The following PLCB4 variants were observed in gnomAD, a reference collection of about 807,000 sequenced individuals.
PLCB4 encodes the protein 1-phosphatidylinositol 4,5-bisphosphate phosphodiesterase beta-4.
In PLCB4, 77 loss-of-function variants were observed where a neutral mutation model predicts 178.8. The ratio of observed to expected loss-of-function variants is 0.43; its 90% CI spans 0.36 to 0.52. PLCB4 has a LOEUF of 0.52. Ranked by LOEUF, PLCB4 falls within the 20% of genes least tolerant of loss-of-function variation. The pLI is 0.00. For missense variants in PLCB4, 1,024 were observed against 1,453.4 expected, an observed-to-expected ratio of 0.70 and a Z score of 4.80; for synonymous variants, 496 against 490.8, an observed-to-expected ratio of 1.01 and a Z score of -0.14.
intron 28 of PLCB4, among the ~76,000 whole-genome samples, chr20:9,431,650 T>TTTGTGTG: frequency 1.4e-5 from 2 of 144,266 alleles, no homozygotes; most frequent in South Asian, 4.6e-4. Flanking sequence ...GTGTGTGTGT[T>TTTGTGTG]TGTGTGTGTG....
At chr20:9,327,284 A>AT (rs34675088) in intron 4 of PLCB4, among the ~76,000 whole-genome samples, 46,492 of 148,562 alleles carry the variant, frequency 0.31, 10,799 homozygotes, top group African/African-American at 0.66. Flanking sequence ...ACAAAAAAAA[A>AT]TTTTTTTTTT....
chr20:9,133,700 T>A (rs2092324646), intron 2 of PLCB4, among the ~76,000 whole-genome samples: 1 of 152,222 alleles, frequency 6.6e-6, no homozygotes, highest in Admixed American at 6.5e-5. Context: ...GAAAAGGGGC[T>A]GAAGCTGCAT....
chr20:9,133,128 C>T (rs1471283702), intron 2 of PLCB4, among the ~76,000 whole-genome samples: 3 of 152,156 alleles, frequency 2.0e-5, no homozygotes, highest in Non-Finnish European at 2.9e-5. Flanking sequence ...ATGTATGCTT[C>T]TTATGCAGCA....
At chr20:9,262,634 A>C (rs753160250) in intron 3 of PLCB4, among the ~76,000 whole-genome samples, 4 of 152,178 alleles carry the variant, frequency 2.6e-5, no homozygotes, top group Non-Finnish European at 5.9e-5. Flanking sequence ...TGACTTGCAG[A>C]AGGTTACATG....
intron 25 of PLCB4, among the ~76,000 whole-genome samples, chr20:9,413,861 A>G (rs563402561): frequency 4.6e-5 from 7 of 152,118 alleles, no homozygotes; most frequent in Admixed American, 4.6e-4. Context: ...CCTGGGCTCA[A>G]TCCATCCTCC....
At chr20:9,281,193 G>T (rs1188763428) in intron 3 of PLCB4, among the ~76,000 whole-genome samples, 1 of 152,022 alleles carries the variant, frequency 6.6e-6, no homozygotes, top group Admixed American at 6.6e-5. Context: ...TTGTGACTTT[G>T]GAAAGTGATT....
chr20:9,340,292 C>A (rs563608340), intron 7 of PLCB4, among the ~76,000 whole-genome samples: 1 of 152,226 alleles, frequency 6.6e-6, no homozygotes, highest in Admixed American at 6.5e-5. Flanking sequence ...AGCTCCATTA[C>A]CCTCACTCAC....
In PLCB4 at chr20:9,339,031, A is replaced by G. The variant is rs1480086826; in HGVS notation, c.363A>G (p.Val121=). The G allele has an allele frequency of 1.2e-6, 2 of 1,612,084 alleles. No individual in the cohort carries two copies. Among genetic ancestry groups the G allele is most frequent in the East Asian group, 2.2e-5 (1 of 44,806 alleles). Residue 121 remains valine (V), a synonymous_variant, in exon 7 of 40, where the codon GTA becomes GTG. Transcript: ENST00000378473. ...ACATGGTGGCTGAAAATCCAGAAGTAACTAAGGTAGCTTCAGTTAAATGGC... is the reference window on the plus strand; with the variant it reads ...ACATGGTGGCTGAAAATCCAGAAGTGACTAAGGTAGCTTCAGTTAAATGGC... ...FTYMVAENPE[V]TKQWVEGLRS...
At chr20:9,385,693 C>A (rs987433703) in intron 14 of PLCB4, among the ~76,000 whole-genome samples, 4 of 146,940 alleles carry the variant, frequency 2.7e-5, no homozygotes, top group Non-Finnish European at 6.0e-5. Context: ...CCTCACCTCC[C>A]AGACGGGGCA....
At chr20:9,326,742 CAG>C (rs1162972954) in intron 4 of PLCB4, among the ~76,000 whole-genome samples, 5 of 152,090 alleles carry the variant, frequency 3.3e-5, no homozygotes, top group African/African-American at 1.2e-4. Context: ...CCAGCTTAGG[CAG>C]AGTGGGATGG....
intron 2 of PLCB4, among the ~76,000 whole-genome samples, chr20:9,148,969 G>A (rs1349373059): frequency 6.6e-6 from 1 of 152,116 alleles, no homozygotes; most frequent in Admixed American, 6.5e-5. Context: ...TGGAGTATGT[G>A]GGCCACTTGG....
At chr20:9,197,703 C>T (rs567171134) in intron 2 of PLCB4, among the ~76,000 whole-genome samples, 9 of 152,336 alleles carry the variant, frequency 5.9e-5, no homozygotes, top group South Asian at 2.1e-4. Flanking sequence ...AGGCCGGGCG[C>T]GGTGGCGCAT....
rs2206390 is a variant in PLCB4 at position 9,476,523 on chromosome 20, C to T, written c.3496-194C>T. On this transcript the variant is annotated intron_variant, in intron 38 of 39. Transcript: ENST00000378473. Reference sequence around the variant, plus strand: ...AATGACAGGCGTTGGTTGTTTGTTTCGTTTCTTTTTTTTCTGTTGAGATCA... The same window carrying T: ...AATGACAGGCGTTGGTTGTTTGTTTTGTTTCTTTTTTTTCTGTTGAGATCA... Among the ~76,000 whole-genome samples, 76,561 of 151,988 alleles carry T rather than the reference C, an allele frequency of 0.5. 21,703 individuals carry two copies. Among genetic ancestry groups the T allele is most frequent in the African/African-American group, 0.77 (32,063 of 41,470 alleles).
At chr20:9,335,067 G>A (rs2032256923) in intron 4 of PLCB4, among the ~76,000 whole-genome samples, 1 of 152,110 alleles carries the variant, frequency 6.6e-6, no homozygotes, top group East Asian at 1.9e-4. Flanking sequence ...GATAGTGGCT[G>A]ATTCTTTGTG....
chr20:9,400,152 C>T (rs143212524), intron 19 of PLCB4, among the ~76,000 whole-genome samples: 2 of 152,174 alleles, frequency 1.3e-5, no homozygotes, highest in African/African-American at 2.4e-5. Context: ...TAGAATATCC[C>T]TTCATCAGAA....
chr20:9,140,616 A>G (rs1568824419), intron 2 of PLCB4, among the ~76,000 whole-genome samples: 1 of 151,876 alleles, frequency 6.6e-6, no homozygotes, highest in Non-Finnish European at 1.5e-5. Context: ...CCCCGTAGTA[A>G]TGAGTGAGTT....
intron 35 of PLCB4, among the ~76,000 whole-genome samples, chr20:9,462,990 G>A (rs1603010808): frequency 2.0e-5 from 3 of 152,258 alleles, no homozygotes; most frequent in Admixed American, 2.0e-4. Context: ...TTGAAATGAT[G>A]GAAAAAATGT....
At chr20:9,407,011 T>A (rs1333077272) in intron 21 of PLCB4, among the ~76,000 whole-genome samples, 1 of 152,252 alleles carries the variant, frequency 6.6e-6, no homozygotes, top group African/African-American at 2.4e-5. Context: ...GCAGTTTCAA[T>A]ATGTCCTATG....
intron 19 of PLCB4, among the ~76,000 whole-genome samples, chr20:9,397,800 A>T (rs562934938): frequency 6.6e-5 from 10 of 152,330 alleles, no homozygotes; most frequent in African/African-American, 2.4e-4. Flanking sequence ...GTCATCTGTT[A>T]CTATGCAATA....
Sources: allele counts gnomAD v4.1 joint callset (sites outside exome capture counted in the v4.1 genomes callset), GRCh38; gene constraint gnomAD v4.1.1; transcripts MANE v1.5; gene names NCBI Gene and HGNC (gene_info 2026-07-23, HGNC 2026-07-21).